Variants in EFS observed in about 807,000 individuals in gnomAD.
EFS encodes Cas scaffolding protein family member 3.
In EFS, 34 loss-of-function variants were observed where a neutral mutation model predicts 42.2. The ratio of observed to expected loss-of-function variants is 0.81; its 90% CI spans 0.61 to 1.07. The LOEUF is 1.07. Ranked by LOEUF, EFS falls within the 50% of genes least tolerant of loss-of-function variation. EFS has a pLI of 0.00. For missense variants in EFS, 717 were observed against 729.4 expected, an observed-to-expected ratio of 0.98 and a Z score of 0.20; for synonymous variants, 299 against 320.7, an observed-to-expected ratio of 0.93 and a Z score of 0.72.
chr14:23,357,937 A>G (rs1490498083), intron 5 of EFS, among the ~76,000 whole-genome samples: 1 of 152,192 alleles, frequency 6.6e-6, no homozygotes, highest in Non-Finnish European at 1.5e-5. Context: ...GCACTGTCCA[A>G]TATAAACATA....
chr14:23,364,979 C>A, intron 1 of EFS, 29 bp downstream of exon 1: 1 of 1,297,808 alleles, frequency 7.7e-7, no homozygotes, highest in Non-Finnish European at 9.9e-7. Context: ...GGTCTCTCCC[C>A]GGCAGCCTCC....
chr14:23,361,825 C>T (rs943421515), intron 1 of EFS, among the ~76,000 whole-genome samples: 2 of 152,226 alleles, frequency 1.3e-5, no homozygotes, highest in Non-Finnish European at 2.9e-5. Context: ...ATTCTCACAA[C>T]AACCTTACGA....
At chr14:23,363,300 C>A (rs971430794) in intron 1 of EFS, among the ~76,000 whole-genome samples, 17 of 152,222 alleles carry the variant, frequency 1.1e-4, no homozygotes, top group Middle Eastern at 3.4e-3. Flanking sequence ...ATTCCATATG[C>A]GCATATCCAT....
Position 23,359,555 on chromosome 14 carries a change from G to A in EFS, c.923C>T (p.Pro308Leu). ...SAESLSRRPL[P>L]ALPVPEAPSP... ...GGGGGCCTCAGGGACAGGCAGGGCA[G>A]GCAGAGGGCGGCGGGACAGGCTCTC... Residue 308 changes from proline to leucine, a missense_variant, in exon 4 of 6, where the codon CCT becomes CTT. Physicochemically the swap from Pro to Leu is moderately conservative, Grantham distance 98. Transcript: ENST00000216733. 6.6e-7 allele frequency: 1 copy of A among 1,504,826 alleles called. No homozygotes were observed. Among genetic ancestry groups the A allele is most frequent in the Non-Finnish European group, 8.8e-7 (1 of 1,133,584 alleles). 93.2% of individuals were successfully genotyped at this position (1,504,826 alleles called of 1,614,324 possible). A position where few individuals can be genotyped will look rare whatever the true frequency, so the allele number is the denominator to read the frequency against.
chr14:23,362,776 T>C (rs1890194513), intron 1 of EFS, among the ~76,000 whole-genome samples: 1 of 152,214 alleles, frequency 6.6e-6, no homozygotes, highest in African/African-American at 2.4e-5. Context: ...GATCAGCTCT[T>C]GATCTGTGGT....
rs200181988 is a variant in EFS, at chr14:23,359,788, G to C, written c.690C>G (p.Leu230=). Residue 230 remains leucine (L), a synonymous_variant, in exon 4 of 6, where the codon CTC becomes CTG. Transcript: ENST00000216733. ...GTTCCTCGGGTGCTTCATACAAATT[G>C]AGTAAGGCTGACGCTCGTTTCAGGT... is the stretch of plus-strand genomic sequence containing the variant. The part of the protein sequence containing the change: ...PSNLKRASAL[L]NLYEAPEELL... The C allele has an allele frequency of 6.6e-7, 1 of 1,523,108 alleles. No individual in the cohort carries two copies. Among genetic ancestry groups the C allele is most frequent in the African/African-American group, 1.4e-5 (1 of 71,830 alleles). The allele number at this position is 1,523,108 out of a possible 1,614,324, so 94.3% of individuals were successfully genotyped here.
At position 23,357,205 on chromosome 14, in the gene EFS, C is replaced by G. The variant is rs969609042; in HGVS notation, c.*21G>C. ...GGGGCTTTGGCAGGCAGGGGAGGAG[C>G]AGAGCTGTGCCAAAGGACCTTCATG... On this transcript the variant is annotated 3_prime_UTR_variant, in exon 6 of 6. Transcript: ENST00000216733. 4.6e-6 allele frequency: 7 copies of G among 1,518,944 alleles called. No homozygotes were observed. The highest frequency in any genetic ancestry group is 6.2e-6 in the Non-Finnish European group (7 of 1,125,814). The allele number at this position is 1,518,944 out of a possible 1,614,324, so 94.1% of individuals were successfully genotyped here. A position where few individuals can be genotyped will look rare whatever the true frequency, so the allele number is the denominator to read the frequency against.
rs1890059123 is a variant in EFS at position 23,359,679 on chromosome 14, C to G, written c.799G>C (p.Glu267Gln). 2 of 1,510,376 alleles carry G rather than the reference C, an allele frequency of 1.3e-6. No individual in the cohort carries two copies. Among genetic ancestry groups the G allele is most frequent in the African/African-American group, 2.8e-5 (2 of 71,074 alleles). The allele number at this position is 1,510,376 out of a possible 1,614,324, so 93.6% of individuals were successfully genotyped here. Residue 267 changes from glutamate to glutamine, a missense_variant, in exon 4 of 6, where the codon GAG (glutamate) becomes CAG (glutamine). By Grantham distance (29) the Glu-to-Gln change is conservative (BLOSUM62 2). Coordinates refer to ENST00000216733, the MANE Select transcript of EFS (RefSeq NM_005864.4). ...LLGPEAPPSPEPPGALASHDQ... is the reference protein window; with the variant it reads ...LLGPEAPPSPQPPGALASHDQ... ...TGGGAGGCCAAGGCTCCAGGGGGCT[C>G]TGGAGAAGGGGGAGCCTCTGGCCCC...
intron 4 of EFS, 33 bp from the exon 5 acceptor site, chr14:23,358,998 T>A: frequency 6.3e-7 from 1 of 1,574,868 alleles, no homozygotes; most frequent in Non-Finnish European, 8.6e-7. Context: ...AGTGTCGGGG[T>A]GGGGGAGCAG....
In EFS at chr14:23,359,833, G is replaced by C; in HGVS notation, c.645C>G (p.Pro215=). 1 of 1,524,756 alleles carries C rather than the reference G, an allele frequency of 6.6e-7. No individual in the cohort carries two copies. The highest frequency in any genetic ancestry group is 8.8e-7 in the Non-Finnish European group (1 of 1,139,368). 94.5% of individuals were successfully genotyped at this position (1,524,756 alleles called of 1,614,324 possible). The change falls in exon 4 of 6, where the codon CCC becomes CCG. Residue 215 remains proline, a synonymous_variant. Coordinates refer to ENST00000216733, the MANE Select transcript of EFS (RefSeq NM_005864.4). ...EWEGGREPGP[P]IYAAPSNLKR... ...TCAGGTTGGAGGGGGCAGCATAGAT[G>C]GGGGGCCCCGGCTCCCGGCCTCCTT... is the stretch of plus-strand genomic sequence containing the variant.
rs1474382506 is a variant in EFS at position 23,357,166 on chromosome 14, C to T, written c.*60G>A. On this transcript the variant is annotated 3_prime_UTR_variant, in exon 6 of 6. Coordinates refer to ENST00000216733, the MANE Select transcript of EFS (RefSeq NM_005864.4). ...TCCCTTAACAAAGCCTTCCAGCCAC[C>T]CAAGGCCTAAAGGGGGGCTTTGGCA... The T allele has an allele frequency of 1.4e-6, 2 of 1,453,462 alleles. No individual in the cohort carries two copies. Among genetic ancestry groups the T allele is most frequent in the Non-Finnish European group, 1.8e-6 (2 of 1,091,870 alleles). 90.0% of individuals were successfully genotyped at this position (1,453,462 alleles called of 1,614,324 possible). A position where few individuals can be genotyped will look rare whatever the true frequency, so the allele number is the denominator to read the frequency against.
In EFS at chr14:23,365,001, G is replaced by T; in HGVS notation, c.18+7C>A. ...CCCCGGCAGCCTCCACTCCCTGGTG[G>T]ACTCACCGACGTGGCAATGGCCATG... is the stretch of plus-strand genomic sequence containing the variant. On this transcript the variant is annotated splice_region_variant and intron_variant, in intron 1 of 5. Coordinates refer to ENST00000216733, the MANE Select transcript of EFS (RefSeq NM_005864.4). The surrounding 1 kb of genome is among the most constrained non-coding windows in gnomAD (Gnocchi z 5.3). 7.5e-7 allele frequency: 1 copy of T among 1,333,244 alleles called. No homozygotes were observed. The highest frequency in any genetic ancestry group is 9.7e-7 in the Non-Finnish European group (1 of 1,031,700). The allele number at this position is 1,333,244 out of a possible 1,614,324, so 82.6% of individuals were successfully genotyped here. A position where few individuals can be genotyped will look rare whatever the true frequency, so the allele number is the denominator to read the frequency against.
At chr14:23,364,890 C>G in intron 1 of EFS, 118 bp downstream of exon 1, 1 of 947,966 alleles carries the variant, frequency 1.1e-6, no homozygotes, top group East Asian at 3.3e-5. Flanking sequence ...GACACAGCCT[C>G]CTGGAGAAGA....
chr14:23,363,758 C>G (rs546434161), intron 1 of EFS, among the ~76,000 whole-genome samples: 61 of 151,962 alleles, frequency 4.0e-4, no homozygotes, highest in African/African-American at 1.4e-3. Context: ...GGCAACATGG[C>G]GAAACCCTGC....
chr14:23,360,920 C>T, intron 1 of EFS, 87 bp from the exon 2 acceptor site: 2 of 1,341,424 alleles, frequency 1.5e-6, no homozygotes, highest in Non-Finnish European at 2.0e-6. Context: ...CGGAGCTCCG[C>T]ATTTCCCTCA....
chr14:23,356,770 G>C lies in EFS; in HGVS notation c.*456C>G, dbSNP rs1889921847. On this transcript the variant is annotated 3_prime_UTR_variant, in exon 6 of 6. Transcript: ENST00000216733. ...TCTTTCCGAGAACCTTCAAACTCTG[G>C]ACAGTTTATGTCTTGCCCGCACTCT... 6.5e-6 allele frequency: 1 copy of C among 152,752 alleles called. No homozygotes were observed. The highest frequency in any genetic ancestry group is 6.5e-5 in the Admixed American group (1 of 15,292). The allele number at this position is 152,752 out of a possible 1,614,324, so 9.5% of individuals were successfully genotyped here.
chr14:23,360,592 G>T lies in EFS; in HGVS notation c.260C>A (p.Pro87Gln), dbSNP rs71413982. ...SPASPAQPGS[P>Q]YPAPDHSNED... The stretch of plus-strand genomic sequence containing the variant: ...ATTGCTGTGATCTGGGGCTGGATAT[G>T]GTGAGCCAGGCTGGGCTGGGGACGC... The change falls in exon 2 of 6, where the codon CCA (proline) becomes CAA (glutamine). Residue 87 changes from proline to glutamine, a missense_variant. By Grantham distance (76) the Pro-to-Gln change is moderately conservative. Coordinates refer to ENST00000216733, the MANE Select transcript of EFS (RefSeq NM_005864.4). The T allele has an allele frequency of 6.3e-6, 10 of 1,574,992 alleles. No homozygotes were observed. The highest frequency in any genetic ancestry group is 1.8e-5 in the Admixed American group (1 of 56,298).
chr14:23,364,726 G>A (rs1466384408), intron 1 of EFS, among the ~76,000 whole-genome samples: 1 of 151,944 alleles, frequency 6.6e-6, no homozygotes, highest in Non-Finnish European at 1.5e-5. Context: ...GATAGGACTC[G>A]GGCTACGCTT....
At position 23,359,734 on chromosome 14, in the gene EFS, A is replaced by T. The variant is rs762541347; in HGVS notation, c.744T>A (p.Thr248=). Residue 248 remains threonine (T), a synonymous_variant, in exon 4 of 6, where the codon ACT becomes ACA. Coordinates refer to ENST00000216733, the MANE Select transcript of EFS (RefSeq NM_005864.4). ...GAGGCACATCGTAGATCCCCTCATC[A>T]GTGCCCCCGCCCTCCCCGTCTGCCA... The part of the protein sequence containing the change: ...ELLADGEGGG[T]DEGIYDVPLL... 6.6e-7 allele frequency: 1 copy of T among 1,517,580 alleles called. No homozygotes were observed. Among genetic ancestry groups the T allele is most frequent in the Non-Finnish European group, 8.8e-7 (1 of 1,134,748 alleles). The allele number at this position is 1,517,580 out of a possible 1,614,324, so 94.0% of individuals were successfully genotyped here.
Sources: allele counts gnomAD v4.1 joint callset (sites outside exome capture counted in the v4.1 genomes callset), GRCh38; gene constraint gnomAD v4.1.1; non-coding constraint Gnocchi (gnomAD v3.1); transcripts MANE v1.5; gene names NCBI Gene and HGNC (gene_info 2026-07-23, HGNC 2026-07-21).